Variants in PCDH15 observed in about 807,000 individuals in gnomAD.
PCDH15 encodes the protein protocadherin related 15.
In PCDH15, 129 loss-of-function variants were observed where a neutral mutation model predicts 178.5. The ratio of observed to expected loss-of-function variants is 0.72; its 90% confidence interval spans 0.63 to 0.84. The LOEUF (loss-of-function observed/expected upper bound fraction) is 0.84, where lower values mean the gene tolerates loss of function less well. PCDH15 is among the 40% of genes least tolerant of loss of function. PCDH15 has a pLI of 0.00. For synonymous variants in PCDH15, 800 were observed against 732.0 expected (o/e 1.09, Z -1.50); for missense variants, 2,230 against 2,099.9 (o/e 1.06, Z -1.21).
intron 2 of PCDH15, among the ~76,000 whole-genome samples, chr10:55,558,376 G>C (rs1842130604): frequency 6.6e-6 from 1 of 152,064 alleles, no homozygotes; most frequent in South Asian, 2.1e-4. Flanking sequence ...GTATGGGTTT[G>C]GTTTGCTTTT....
intron 2 of PCDH15, among the ~76,000 whole-genome samples, chr10:55,379,356 A>C (rs1028306580): frequency 2.0e-5 from 3 of 151,924 alleles, no homozygotes; most frequent in Non-Finnish European, 2.9e-5. Context: ...GAAAATAATT[A>C]TTTAAAGGGT....
chr10:54,808,374 T>A (rs182274284), intron 3 of PCDH15, among the ~76,000 whole-genome samples: 2 of 152,158 alleles, frequency 1.3e-5, no homozygotes, highest in Non-Finnish European at 2.9e-5. Context: ...CAAGCCCACA[T>A]AGAGAGGGAA....
intron 32 of PCDH15, among the ~76,000 whole-genome samples, chr10:53,820,536 T>C (rs2076222236): frequency 6.6e-6 from 1 of 152,056 alleles, no homozygotes; most frequent in African/African-American, 2.4e-5. Flanking sequence ...CCCTTCTCCA[T>C]GCAAACTTAT....
At chr10:54,989,380 G>A (rs1839448460) in intron 2 of PCDH15, among the ~76,000 whole-genome samples, 1 of 152,178 alleles carries the variant, frequency 6.6e-6, no homozygotes, top group South Asian at 2.1e-4. Context: ...AGCTTGCACT[G>A]TGTGCCTGGA....
chr10:54,896,656 A>G (rs778542157), intron 3 of PCDH15, among the ~76,000 whole-genome samples: 4 of 152,108 alleles, frequency 2.6e-5, no homozygotes, highest in Non-Finnish European at 5.9e-5. Flanking sequence ...ATTGACATTT[A>G]CTTTTCAGAT....
chr10:54,167,947 C>G (rs1051419279), intron 13 of PCDH15, among the ~76,000 whole-genome samples: 1 of 151,364 alleles, frequency 6.6e-6, no homozygotes, highest in Non-Finnish European at 1.5e-5. Context: ...AGGTAAGAAC[C>G]CCCGAACCCC....
intron 2 of PCDH15, among the ~76,000 whole-genome samples, chr10:55,458,593 C>G (rs1413495310): frequency 2.0e-5 from 3 of 151,972 alleles, no homozygotes; most frequent in Non-Finnish European, 4.4e-5. Context: ...ACACCAGTGT[C>G]TATCAGATGT....
At chr10:54,303,502 T>C (rs1252484144) in intron 8 of PCDH15, among the ~76,000 whole-genome samples, 2 of 152,040 alleles carry the variant, frequency 1.3e-5, no homozygotes, top group Non-Finnish European at 2.9e-5. Context: ...TGCTATATAA[T>C]AGGGACAATA....
At chr10:54,476,359 T>C (rs944904131) in intron 3 of PCDH15, among the ~76,000 whole-genome samples, 7 of 152,062 alleles carry the variant, frequency 4.6e-5, no homozygotes, top group Non-Finnish European at 8.8e-5. Flanking sequence ...CTCTGTATTT[T>C]GAAATCAACA....
At chr10:53,842,452 G>A (rs1420383055) in intron 28 of PCDH15, among the ~76,000 whole-genome samples, 1 of 151,990 alleles carries the variant, frequency 6.6e-6, no homozygotes, top group African/African-American at 2.4e-5. Flanking sequence ...TCACCATGTT[G>A]GTCAGGCTGG....
At chr10:54,004,737 G>A (rs903178079) in intron 20 of PCDH15, among the ~76,000 whole-genome samples, 10 of 151,594 alleles carry the variant, frequency 6.6e-5, no homozygotes, top group East Asian at 5.8e-4. Flanking sequence ...TACTCAAAGC[G>A]TTCTACAGAT....
chr10:54,336,249 AG>A (rs1265509235), intron 6 of PCDH15, among the ~76,000 whole-genome samples: 1 of 152,224 alleles, frequency 6.6e-6, no homozygotes, highest in Non-Finnish European at 1.5e-5. Flanking sequence ...GCAGTAGAAA[AG>A]AAACACCCAT....
intron 35 of PCDH15, among the ~76,000 whole-genome samples, chr10:53,813,475 G>C (rs908903340): frequency 1.3e-5 from 2 of 152,172 alleles, no homozygotes; most frequent in East Asian, 3.9e-4. Flanking sequence ...TGTATTTGCA[G>C]GGACACAGAA....
chr10:55,128,978 T>C lies in PCDH15; in HGVS notation c.-80+37598A>G, dbSNP rs146618571. On this transcript the variant is annotated intron_variant, in intron 2 of 5. Transcript: ENST00000458638. ...TATCCACATCAGTAGCCATGATCTGTACATCAATATATTTGTGTTAGTTCC... is the reference window on the plus strand; with the variant it reads ...TATCCACATCAGTAGCCATGATCTGCACATCAATATATTTGTGTTAGTTCC... 2.5e-3 allele frequency among the ~76,000 whole-genome samples: 385 copies of C among 152,242 alleles called. 1 individual carries two copies. The highest frequency in any genetic ancestry group is 8.8e-3 in the African/African-American group (365 of 41,570).
chr10:54,854,441 G>A (rs115252505), intron 3 of PCDH15, among the ~76,000 whole-genome samples: 58 of 152,286 alleles, frequency 3.8e-4, no homozygotes, highest in African/African-American at 1.3e-3. Context: ...GGAAGAATGA[G>A]GTACATAGAC....
At chr10:55,147,336 G>T (rs1838546761) in intron 2 of PCDH15, among the ~76,000 whole-genome samples, 1 of 151,426 alleles carries the variant, frequency 6.6e-6, no homozygotes, top group African/African-American at 2.4e-5. Context: ...TCACATATAT[G>T]TAGTGTACCA....
chr10:53,822,402 G>C, intron 32 of PCDH15: 1 of 1,574,388 alleles, frequency 6.4e-7, no homozygotes, highest in East Asian at 2.4e-5. Flanking sequence ...ACAAAAAAGA[G>C]AAAAAGGAGA....
At chr10:54,307,017 T>A (rs1470988978) in intron 8 of PCDH15, among the ~76,000 whole-genome samples, 1 of 26,916 alleles carries the variant, frequency 3.7e-5, no homozygotes, top group Non-Finnish European at 8.2e-5. Context: ...TATATATACA[T>A]ATATATATAT....
intron 2 of PCDH15, among the ~76,000 whole-genome samples, chr10:55,550,140 T>C (rs1040760295): frequency 2.0e-5 from 3 of 152,138 alleles, no homozygotes; most frequent in Non-Finnish European, 2.9e-5. Flanking sequence ...CTGGTACTTA[T>C]GACAGAATAG....
Sources: gnomAD v4.1 joint callset for allele counts (sites outside exome capture counted in the v4.1 genomes callset) on GRCh38, gnomAD v4.1.1 for gene constraint, MANE v1.5 for transcripts, NCBI Gene and HGNC (gene_info 2026-07-23, HGNC 2026-07-21) for gene names.